The following WDR88 variants were observed in gnomAD, a reference collection of about 807,000 sequenced individuals.
WDR88 encodes the protein WD repeat-containing protein 88.
WDR88 carries 40 observed loss-of-function variants against 46.8 expected under a neutral mutation model. That is an observed-to-expected ratio of 0.86 (90% CI 0.66 to 1.11). The LOEUF (loss-of-function observed/expected upper bound fraction) is 1.11, where lower values mean the gene tolerates loss of function less well. Ranked by LOEUF, WDR88 falls within the 50% of genes most tolerant of loss-of-function variation. The pLI is 0.00. For missense variants in WDR88, 562 were observed against 602.4 expected (o/e 0.93, Z 0.70); for synonymous variants, 235 against 240.7 (o/e 0.98, Z 0.22).
chr19:33,153,184 G>A (rs183600987), intron 6 of WDR88, among the ~76,000 whole-genome samples: 43 of 151,612 alleles, frequency 2.8e-4, no homozygotes, highest in Non-Finnish European at 5.4e-4. Context: ...CTGAGTAGCT[G>A]AGACTACAGG....
chr19:33,148,941 G>C (rs1381666240), intron 5 of WDR88, 31 bp downstream of exon 5: 7 of 1,613,266 alleles, frequency 4.3e-6, no homozygotes, highest in African/African-American at 1.3e-5. Flanking sequence ...TGTATCTTCA[G>C]TCTGCCATAG....
intron 9 of WDR88, among the ~76,000 whole-genome samples, chr19:33,168,878 C>T (rs1973994613): frequency 6.6e-6 from 1 of 152,118 alleles, no homozygotes; most frequent in Non-Finnish European, 1.5e-5. Context: ...TACAAGTCTA[C>T]AGTAATTAAA....
intron 7 of WDR88, among the ~76,000 whole-genome samples, chr19:33,159,099 G>A (rs1461669080): frequency 6.6e-6 from 1 of 151,822 alleles, no homozygotes; most frequent in East Asian, 1.9e-4. Flanking sequence ...GGGGTGCTGA[G>A]GCGGGAGTAT....
intron 3 of WDR88, among the ~76,000 whole-genome samples, chr19:33,145,634 G>T (rs151274362): frequency 1.7e-4 from 25 of 150,470 alleles, no homozygotes; most frequent in African/African-American, 5.6e-4. Context: ...TCCTGGGTTC[G>T]AGTGATTCTC....
intron 1 of WDR88, among the ~76,000 whole-genome samples, chr19:33,133,198 T>TAGAGAG (rs766958277): frequency 0.2 from 15,704 of 79,420 alleles, 1,124 homozygotes; most frequent in South Asian, 0.29. Context: ...TAAATAAATA[T>TAGAGAG]AGAGAGAGAG....
intron 5 of WDR88, among the ~76,000 whole-genome samples, chr19:33,150,205 A>G (rs1260048311): frequency 1.3e-5 from 2 of 151,858 alleles, no homozygotes; most frequent in Non-Finnish European, 2.9e-5. Flanking sequence ...TAATCCCAGC[A>G]CTTTGGGAGG....
intron 1 of WDR88, among the ~76,000 whole-genome samples, chr19:33,134,772 G>T (rs888387816): frequency 6.6e-6 from 1 of 151,648 alleles, no homozygotes; most frequent in Non-Finnish European, 1.5e-5. Context: ...CAGTGTCCTC[G>T]TGTCCCCGAG....
chr19:33,133,133 G>A (rs529352675), intron 1 of WDR88, among the ~76,000 whole-genome samples: 1 of 146,198 alleles, frequency 6.8e-6, no homozygotes, highest in African/African-American at 2.6e-5. Flanking sequence ...CTCCAGCCTG[G>A]GCAACAGAGC....
intron 6 of WDR88, among the ~76,000 whole-genome samples, chr19:33,152,802 A>C (rs1973661662): frequency 6.6e-6 from 1 of 151,944 alleles, no homozygotes; most frequent in Non-Finnish European, 1.5e-5. Context: ...GGGTTTCATC[A>C]TGTTGGCCAG....
Position 33,172,385 on chromosome 19 carries a change from A to G in WDR88, c.1187A>G (p.Asp396Gly). 1 of 1,614,086 alleles carries G rather than the reference A, an allele frequency of 6.2e-7. No individual in the cohort carries two copies. Among genetic ancestry groups the G allele is most frequent in the African/African-American group, 1.3e-5 (1 of 75,050 alleles). Reference sequence around the variant, plus strand: ...AGACTGTGGAATATTGAAGAAATTGATGAAATTCCTTTGGTAATCAAGTAC... The same window carrying G: ...AGACTGTGGAATATTGAAGAAATTGGTGAAATTCCTTTGGTAATCAAGTAC... ...TMRLWNIEEIDEIPLVIKYKK... is the reference protein window; with the variant it reads ...TMRLWNIEEIGEIPLVIKYKK... Residue 396 changes from aspartate to glycine, a missense_variant, in exon 10 of 11, where the codon GAT (aspartate) becomes GGT (glycine). Asp to Gly is a moderately conservative substitution (Grantham distance 94). Coordinates refer to ENST00000355868, the MANE Select transcript of WDR88 (RefSeq NM_173479.4).
intron 8 of WDR88, among the ~76,000 whole-genome samples, chr19:33,161,509 C>T (rs1424034202): frequency 6.6e-6 from 1 of 152,158 alleles, no homozygotes; most frequent in Non-Finnish European, 1.5e-5. Flanking sequence ...TCTTTCTGTT[C>T]CCAGGGACAC....
rs182034502 is a variant in WDR88, at chr19:33,133,974, G to C, written c.276+1529G>C. Among the ~76,000 whole-genome samples, 193 of 152,376 alleles carry C rather than the reference G, an allele frequency of 1.3e-3. 1 individual carries two copies. Among genetic ancestry groups the C allele is most frequent in the African/African-American group, 4.3e-3 (179 of 41,584 alleles). ...TCGAGGTTAGGGACTTTGCTCCTAG[G>C]TGGCTGCTGAGCTGCAGCATCAGGT... On this transcript the variant is annotated intron_variant, in intron 1 of 10. Transcript: ENST00000355868.
chr19:33,148,673 AAGCGATCCTCC>A, intron 4 of WDR88, 88 bp from the exon 5 acceptor site: 1 of 1,464,862 alleles, frequency 6.8e-7, no homozygotes, highest in South Asian at 1.2e-5. Flanking sequence ...TCCTGGTCTC[AAGCGATCCTCC>A]AGCCTTGGCC....
At chr19:33,159,092 G>T (rs920810838) in intron 7 of WDR88, among the ~76,000 whole-genome samples, 1 of 151,652 alleles carries the variant, frequency 6.6e-6, no homozygotes, top group Non-Finnish European at 1.5e-5. Flanking sequence ...TGCTGGGGGG[G>T]TGCTGAGGCG....
chr19:33,136,250 T>A (rs1973263968), intron 1 of WDR88, among the ~76,000 whole-genome samples: 1 of 152,034 alleles, frequency 6.6e-6, no homozygotes, highest in Non-Finnish European at 1.5e-5. Context: ...AGACGGGGTT[T>A]CTCCATGTTG....
chr19:33,156,553 A>G lies in WDR88; in HGVS notation c.997+11A>G, dbSNP rs778338958. On this transcript the variant is annotated intron_variant, in intron 7 of 10. Coordinates refer to ENST00000355868, the MANE Select transcript of WDR88 (RefSeq NM_173479.4). Reference sequence around the variant, plus strand: ...ACTTTGCCAGAGACAGTGAGTAATTAACATGCAGAAGGCCTCCATTCCTGT... The same window carrying G: ...ACTTTGCCAGAGACAGTGAGTAATTGACATGCAGAAGGCCTCCATTCCTGT... 6.2e-7 allele frequency: 1 copy of G among 1,609,030 alleles called. No homozygotes were observed. The highest frequency in any genetic ancestry group is 1.1e-5 in the South Asian group (1 of 90,754).
At chr19:33,140,556 G>A (rs1002361503) in intron 2 of WDR88, among the ~76,000 whole-genome samples, 1 of 152,122 alleles carries the variant, frequency 6.6e-6, no homozygotes, top group South Asian at 2.1e-4. Flanking sequence ...TTGGGAGGCC[G>A]AGGCGAGCAA....
In WDR88 at chr19:33,164,265, GGTAAAA is replaced by G. The variant is rs1293467310; in HGVS notation, c.1149+3_1149+8del. On this transcript the variant is annotated splice_donor_variant and splice_donor_5th_base_variant and intron_variant, in intron 9 of 10. Transcript: ENST00000355868. LOFTEE classifies it high-confidence loss of function. ...AGAAATGGATCCTGTCTGCTTCCAAGGTAAAAGTGGTCAAGCTTACAATATCGATCA... is the reference window on the plus strand; with the variant it reads ...AGAAATGGATCCTGTCTGCTTCCAAGGTGGTCAAGCTTACAATATCGATCA... 15 of 1,613,670 alleles carry G rather than the reference GGTAAAA, an allele frequency of 9.3e-6. No individual in the cohort carries two copies. In the South Asian group the frequency reaches 1.6e-4, roughly 18 times the overall value.
At chr19:33,146,658 C>T (rs942739879) in intron 3 of WDR88, among the ~76,000 whole-genome samples, 3 of 152,160 alleles carry the variant, frequency 2.0e-5, no homozygotes, top group African/African-American at 7.2e-5. Context: ...GCTGGGATTG[C>T]AGGTGTGCAC....
Sources: gnomAD v4.1 joint callset for allele counts (sites outside exome capture counted in the v4.1 genomes callset) on GRCh38, gnomAD v4.1.1 for gene constraint, MANE v1.5 for transcripts, NCBI Gene and HGNC (gene_info 2026-07-23, HGNC 2026-07-21) for gene names.